MAST4: variants seen among roughly 807,000 people sequenced by gnomAD.
MAST4 encodes the protein microtubule-associated serine/threonine-protein kinase 4.
A neutral mutation model predicts 162.7 loss-of-function variants in MAST4; 89 were observed. The observed-to-expected ratio is 0.55, with a 90% CI of 0.46 to 0.65. The LOEUF is 0.65. MAST4 is among the 30% of genes least tolerant of loss of function. The pLI, the probability that MAST4 is intolerant of heterozygous loss-of-function variation, is 0.00. For missense variants in MAST4, 3,153 were observed against 3,374.0 expected (o/e 0.93, Z 1.62); for synonymous variants, 1,479 against 1,361.1 (o/e 1.09, Z -1.91).
At chr5:67,129,796 A>G (rs1028186491) in intron 14 of MAST4, among the ~76,000 whole-genome samples, 1 of 152,122 alleles carries the variant, frequency 6.6e-6, no homozygotes, top group African/African-American at 2.4e-5. Context: ...TCTAATATCT[A>G]CTATCTAACG....
rs369069304 is a variant in MAST4, at chr5:67,167,920, TTC to T, written c.*871_*872del. ...GACTATAAACACACATCAACTTTCT[TTC>T]TGTTTGCTTTCTTTTCCTTCTTTTC... On this transcript the variant is annotated 3_prime_UTR_variant, in exon 29 of 29. Coordinates refer to ENST00000403625, the MANE Select transcript of MAST4 (RefSeq NM_001164664.2). 35 of 152,360 alleles carry T rather than the reference TTC, an allele frequency of 2.3e-4. No individual in the cohort carries two copies. Among genetic ancestry groups the T allele is most frequent in the African/African-American group, 8.4e-4 (35 of 41,570 alleles). The allele number at this position is 152,360 out of a possible 1,614,324, so 9.4% of individuals were successfully genotyped here. A position where few individuals can be genotyped will look rare whatever the true frequency, so the allele number is the denominator to read the frequency against.
chr5:66,834,979 T>G (rs1354991064), intron 3 of MAST4, among the ~76,000 whole-genome samples: 1 of 152,120 alleles, frequency 6.6e-6, no homozygotes, highest in Non-Finnish European at 1.5e-5. Context: ...CCTCTTACCA[T>G]TTATCTCCTG....
chr5:66,722,201 T>C (rs938624497), intron 1 of MAST4, among the ~76,000 whole-genome samples: 2 of 152,128 alleles, frequency 1.3e-5, no homozygotes, highest in African/African-American at 2.4e-5. Flanking sequence ...GGCCCGTTAC[T>C]CCTTAGACCT....
chr5:66,632,288 T>C (rs1412747246), intron 1 of MAST4, among the ~76,000 whole-genome samples: 1 of 152,206 alleles, frequency 6.6e-6, no homozygotes, highest in African/African-American at 2.4e-5. Context: ...GTAACTCTAC[T>C]GGAGTGGTAG....
At chr5:66,827,214 A>C (rs1214954797) in intron 3 of MAST4, among the ~76,000 whole-genome samples, 1 of 152,212 alleles carries the variant, frequency 6.6e-6, no homozygotes. Context: ...TCGTTGATAC[A>C]CTTTGACTTG....
intron 4 of MAST4, among the ~76,000 whole-genome samples, chr5:66,900,718 TAA>T (rs5868466): frequency 0.54 from 81,317 of 151,322 alleles, 22,218 homozygotes; most frequent in Middle Eastern, 0.61. Context: ...GCACCTCCTT[TAA>T]AAAAAAATAG....
chr5:66,694,475 TC>T (rs1749262700), intron 1 of MAST4, among the ~76,000 whole-genome samples: 1 of 152,162 alleles, frequency 6.6e-6, no homozygotes, highest in Middle Eastern at 3.2e-3. Flanking sequence ...AGCTTTTTTT[TC>T]TTTTTTTCTT....
chr5:66,636,382 A>G (rs868219118), intron 1 of MAST4, among the ~76,000 whole-genome samples: 5 of 152,230 alleles, frequency 3.3e-5, no homozygotes, highest in African/African-American at 7.2e-5. Flanking sequence ...TACTGTAGAC[A>G]TGATGAATTT....
At chr5:66,733,732 T>C (rs1751999150) in intron 1 of MAST4, among the ~76,000 whole-genome samples, 1 of 151,750 alleles carries the variant, frequency 6.6e-6, no homozygotes, top group Non-Finnish European at 1.5e-5. Context: ...GTGCTGGGAT[T>C]ACAGGCATGA....
intron 4 of MAST4, among the ~76,000 whole-genome samples, chr5:67,007,264 C>A (rs921345395): frequency 6.6e-6 from 1 of 152,146 alleles, no homozygotes; most frequent in Non-Finnish European, 1.5e-5. Flanking sequence ...GTTTCCTTTT[C>A]CAAGTCTAAT....
intron 3 of MAST4, among the ~76,000 whole-genome samples, chr5:66,807,521 A>G (rs1015607755): frequency 1.3e-5 from 2 of 149,546 alleles, no homozygotes; most frequent in African/African-American, 2.4e-5. Flanking sequence ...AAAAAAATGT[A>G]CAATTAAATT....
At chr5:66,881,579 C>G (rs560247501) in intron 3 of MAST4, among the ~76,000 whole-genome samples, 1 of 152,144 alleles carries the variant, frequency 6.6e-6, no homozygotes, top group Non-Finnish European at 1.5e-5. Flanking sequence ...TTTAAAAAAT[C>G]GGTGAATTAT....
intron 5 of MAST4, among the ~76,000 whole-genome samples, chr5:67,076,262 T>G (rs981953662): frequency 1.3e-5 from 2 of 152,226 alleles, no homozygotes; most frequent in African/African-American, 2.4e-5. Flanking sequence ...TTGGAATCCC[T>G]TGGATCACAT....
chr5:66,894,712 G>A (rs1488600155), intron 3 of MAST4, among the ~76,000 whole-genome samples: 1 of 152,212 alleles, frequency 6.6e-6, no homozygotes. Context: ...GGAATGGTGT[G>A]TACTGGACAT....
chr5:67,120,899 G>T, intron 13 of MAST4, 118 bp from the exon 14 acceptor site: 1 of 700,170 alleles, frequency 1.4e-6, no homozygotes, highest in Non-Finnish European at 2.4e-6. Context: ...CCTGTGGCTG[G>T]AATACTGTAC....
At chr5:66,692,983 TA>T (rs1363384837) in intron 1 of MAST4, among the ~76,000 whole-genome samples, 1 of 122,328 alleles carries the variant, frequency 8.2e-6, no homozygotes, top group African/African-American at 3.6e-5. Flanking sequence ...TTAAAGTTTG[TA>T]TTTTTTTTTT....
intron 4 of MAST4, among the ~76,000 whole-genome samples, chr5:66,963,205 A>G (rs1416963161): frequency 6.6e-6 from 1 of 152,222 alleles, no homozygotes; most frequent in Non-Finnish European, 1.5e-5. Context: ...ACTTTTTATC[A>G]TTGCCCCTGA....
intron 3 of MAST4, among the ~76,000 whole-genome samples, chr5:66,807,323 C>T (rs1254748484): frequency 6.6e-6 from 1 of 151,962 alleles, no homozygotes; most frequent in Non-Finnish European, 1.5e-5. Flanking sequence ...GGTGAAACCC[C>T]GTCTCTACTA....
At chr5:66,654,534 T>C (rs2149451917) in intron 1 of MAST4, among the ~76,000 whole-genome samples, 1 of 152,294 alleles carries the variant, frequency 6.6e-6, no homozygotes, top group South Asian at 2.1e-4. Context: ...ATAAGGGAAA[T>C]GTTCAGGTGC....
Sources: gnomAD v4.1 joint callset for allele counts (sites outside exome capture counted in the v4.1 genomes callset) on GRCh38, gnomAD v4.1.1 for gene constraint, MANE v1.5 for transcripts, NCBI Gene and HGNC (gene_info 2026-07-23, HGNC 2026-07-21) for gene names.